DOCK2: variants seen among roughly 807,000 people sequenced by gnomAD.
DOCK2 encodes the protein dedicator of cytokinesis 2.
A neutral mutation model predicts 248.9 loss-of-function variants in DOCK2; 87 were observed. That is an observed-to-expected ratio of 0.35 (90% CI 0.29 to 0.42). The LOEUF (loss-of-function observed/expected upper bound fraction) is 0.42. Among genes scored for constraint, DOCK2 ranks in the 10% least tolerant of loss-of-function variants. The probability of loss-of-function intolerance (pLI) is 1.00; values close to 1 mark genes in which losing one functional copy is unlikely to be tolerated. For synonymous variants in DOCK2, 805 were observed against 821.6 expected (o/e 0.98, Z 0.35); for missense variants, 1,747 against 2,300.2 (o/e 0.76, Z 4.92).
chr5:169,929,303 C>T (rs1775627220), intron 27 of DOCK2, among the ~76,000 whole-genome samples: 1 of 152,180 alleles, frequency 6.6e-6, no homozygotes, highest in South Asian at 2.1e-4. Context: ...CCCATTGACA[C>T]CAACAAGTTC....
rs1769927893 is a variant in DOCK2, at chr5:169,840,992, T to A, written c.2799+140T>A. ...GAGTAGGGTGACCAGATTTTTCCTG[T>A]CTGAGTTGGGAGGACTTGAGAATTA... On this transcript the variant is annotated intron_variant, in intron 27 of 51. Transcript: ENST00000520908. 3 of 942,524 alleles carry A rather than the reference T, an allele frequency of 3.2e-6. No homozygotes were observed. In the South Asian group the frequency reaches 4.7e-5, roughly 15 times the overall value. 58.4% of individuals were successfully genotyped at this position (942,524 alleles called of 1,614,324 possible).
chr5:169,955,552 A>G (rs545192281), intron 27 of DOCK2, among the ~76,000 whole-genome samples: 3 of 152,314 alleles, frequency 2.0e-5, no homozygotes, highest in African/African-American at 7.2e-5. Context: ...TCATTAGGGC[A>G]CTGATGCAAA....
At chr5:170,017,607 C>G (rs1755579048) in intron 32 of DOCK2, among the ~76,000 whole-genome samples, 1 of 152,188 alleles carries the variant, frequency 6.6e-6, no homozygotes, top group Non-Finnish European at 1.5e-5. Context: ...TTGTCCTGGG[C>G]AGTTGCTAAA....
intron 27 of DOCK2, among the ~76,000 whole-genome samples, chr5:169,860,154 C>G (rs1223842215): frequency 6.6e-6 from 1 of 151,800 alleles, no homozygotes; most frequent in African/African-American, 2.4e-5. Flanking sequence ...TTGACGGGGT[C>G]TCACTACTTT....
At position 170,077,744 on chromosome 5, in the gene DOCK2, G is replaced by A. The variant is rs922581637; in HGVS notation, c.4901G>A (p.Arg1634Lys). 1.9e-6 allele frequency: 3 copies of A among 1,613,868 alleles called. No individual in the cohort carries two copies. The highest frequency in any genetic ancestry group is 1.7e-5 in the Admixed American group (1 of 60,006). Reference sequence around the variant, plus strand: ...GACGACAGGAGAGTGGGCCGTCCCAGGTCTATGCTGCGCTCATACAGACAG... The same window carrying A: ...GACGACAGGAGAGTGGGCCGTCCCAAGTCTATGCTGCGCTCATACAGACAG... Reference protein sequence around the residue: ...DFDDRRVGRPRSMLRSYRQMS... With the variant: ...DFDDRRVGRPKSMLRSYRQMS... Residue 1634 changes from arginine to lysine, a missense_variant, in exon 48 of 52, where the codon AGG (arginine) becomes AAG (lysine). Arg to Lys is a conservative substitution (Grantham distance 26). This residue lies in a region of DOCK2 where 513 missense variants were observed against 586.1 expected (regional missense o/e 0.88). Transcript: ENST00000520908.
At chr5:169,921,141 A>G (rs1775151918) in intron 27 of DOCK2, among the ~76,000 whole-genome samples, 1 of 152,208 alleles carries the variant, frequency 6.6e-6, no homozygotes, top group African/African-American at 2.4e-5. Flanking sequence ...GTAGGAATGA[A>G]TGCAATGTTA....
At chr5:169,686,167 G>T (rs1759966440) in intron 8 of DOCK2, among the ~76,000 whole-genome samples, 2 of 152,208 alleles carry the variant, frequency 1.3e-5, no homozygotes, top group African/African-American at 4.8e-5. Flanking sequence ...TACTCCCAAG[G>T]TTCCTGAAAG....
intron 22 of DOCK2, among the ~76,000 whole-genome samples, chr5:169,725,814 T>C (rs1762441793): frequency 6.6e-6 from 1 of 152,216 alleles, no homozygotes; most frequent in Non-Finnish European, 1.5e-5. Flanking sequence ...GCTTCATTCA[T>C]GTCCCTGCAA....
intron 27 of DOCK2, among the ~76,000 whole-genome samples, chr5:169,842,833 T>C (rs573044815): frequency 3.3e-4 from 50 of 152,314 alleles, no homozygotes; most frequent in African/African-American, 1.1e-3. Context: ...ATTATCAACA[T>C]AGGCAAGTAA....
chr5:169,753,054 A>G (rs181215381), intron 23 of DOCK2, among the ~76,000 whole-genome samples: 32 of 140,368 alleles, frequency 2.3e-4, no homozygotes, highest in African/African-American at 8.8e-4. Flanking sequence ...ACAGAGCAAG[A>G]CTCTATCTAA....
At chr5:170,017,384 GT>G (rs1755570966) in intron 32 of DOCK2, among the ~76,000 whole-genome samples, 1 of 152,094 alleles carries the variant, frequency 6.6e-6, no homozygotes, top group Non-Finnish European at 1.5e-5. Context: ...CAATAATAGG[GT>G]TGCTTGAATA....
chr5:169,927,295 G>T (rs1364284288), intron 27 of DOCK2, among the ~76,000 whole-genome samples: 2 of 152,196 alleles, frequency 1.3e-5, no homozygotes, highest in Non-Finnish European at 2.9e-5. Flanking sequence ...GCCACAGTAA[G>T]GGGGTTGAGT....
chr5:169,928,411 G>A (rs766929071), intron 27 of DOCK2, among the ~76,000 whole-genome samples: 15 of 152,186 alleles, frequency 9.9e-5, no homozygotes, highest in Admixed American at 2.6e-4. Flanking sequence ...AGAATGCCCC[G>A]CTGTTTTCAC....
At position 170,069,123 on chromosome 5, in the gene DOCK2, T is replaced by C; in HGVS notation, c.4645-14T>C. 1 of 1,612,540 alleles carries C rather than the reference T, an allele frequency of 6.2e-7. No individual in the cohort carries two copies. The highest frequency in any genetic ancestry group is 8.5e-7 in the Non-Finnish European group (1 of 1,179,252). On this transcript the variant is annotated splice_polypyrimidine_tract_variant and intron_variant, in intron 45 of 51. Coordinates refer to ENST00000520908, the MANE Select transcript of DOCK2 (RefSeq NM_004946.3). ...ATGAACAGGAAACCCTGACCTCCTA[T>C]CTGTCCTCCCCAGGCCTTCTTCACT...
rs574512239 is a variant in DOCK2 at position 169,744,364 on chromosome 5, T to C, written c.2268-3032T>C. Among the ~76,000 whole-genome samples, 40 of 152,324 alleles carry C rather than the reference T, an allele frequency of 2.6e-4. 2 individuals carry two copies. In the South Asian group the frequency reaches 8.1e-3, roughly 31 times the overall value. On this transcript the variant is annotated intron_variant, in intron 22 of 51. Coordinates refer to ENST00000520908, the MANE Select transcript of DOCK2 (RefSeq NM_004946.3). ...GTTCAGTCACATAATATTTATAAGA[T>C]GGTGAAGCCAAGTCACTTGCCCTCT...
intron 27 of DOCK2, among the ~76,000 whole-genome samples, chr5:169,879,230 G>A (rs1027623325): frequency 2.0e-5 from 3 of 152,220 alleles, no homozygotes; most frequent in Non-Finnish European, 4.4e-5. Flanking sequence ...GACATGCACT[G>A]AGCGCATCCA....
chr5:169,831,887 A>T (rs261633), intron 26 of DOCK2, among the ~76,000 whole-genome samples: 43,803 of 152,030 alleles, frequency 0.29, 8,335 homozygotes, highest in African/African-American at 0.55. Context: ...AAGGAAAGAG[A>T]ATAGTTAATG....
Position 169,840,800 on chromosome 5 carries a change from T to G in DOCK2, c.2747T>G (p.Leu916Arg). 6.2e-7 allele frequency: 1 copy of G among 1,614,054 alleles called. No individual in the cohort carries two copies. The highest frequency in any genetic ancestry group is 2.2e-5 in the East Asian group (1 of 44,854). ...ATCCAGGAGATCATGGTCCAGCTGC[T>G]GCGGACAGTGAACCGGACAGTCATC... Reference protein sequence around the residue: ...HHIQEIMVQLLRTVNRTVITM... With the variant: ...HHIQEIMVQLRRTVNRTVITM... The change falls in exon 27 of 52, where the codon CTG (leucine) becomes CGG (arginine). Residue 916 changes from leucine to arginine, a missense_variant. Physicochemically the swap from Leu to Arg is moderately radical, Grantham distance 102 (BLOSUM62 -2). Transcript: ENST00000520908.
At chr5:169,883,645 C>A in intron 27 of DOCK2, 1 of 1,551,234 alleles carries the variant, frequency 6.4e-7, no homozygotes, top group Non-Finnish European at 8.7e-7. Context: ...CTTCTGGGAC[C>A]TGGGGAAGGA....
Sources: gnomAD v4.1 joint callset for allele counts (sites outside exome capture counted in the v4.1 genomes callset) on GRCh38, gnomAD v4.1.1 for gene constraint, gnomAD v4.1.1 regional missense constraint, MANE v1.5 for transcripts, NCBI Gene and HGNC (gene_info 2026-07-23, HGNC 2026-07-21) for gene names.